Variants in ARHGAP39 observed in about 807,000 individuals in gnomAD.
ARHGAP39 encodes Rho GTPase activating protein 39, also known as rho GTPase-activating protein 39.
In ARHGAP39, 44 loss-of-function variants were observed where a neutral mutation model predicts 106.9. That is an observed-to-expected ratio of 0.41 (90% CI 0.32 to 0.53). ARHGAP39 has a LOEUF of 0.53. ARHGAP39 is among the 20% of genes least tolerant of loss of function. The probability of loss-of-function intolerance (pLI) is 0.21; values close to 1 mark genes in which losing one functional copy is unlikely to be tolerated. For synonymous variants in ARHGAP39, 768 were observed against 693.2 expected (o/e 1.11, Z -1.69); for missense variants, 1,496 against 1,577.3 (o/e 0.95, Z 0.87).
intron 3 of ARHGAP39, among the ~76,000 whole-genome samples, chr8:144,562,527 C>A (rs1382223379): frequency 2.6e-5 from 4 of 150,952 alleles, no homozygotes; most frequent in Admixed American, 6.6e-5. Context: ...TGGTTTCCAT[C>A]GGACTCCAGT....
chr8:144,675,968 G>A (rs561582381), intron 1 of ARHGAP39, among the ~76,000 whole-genome samples: 2 of 152,250 alleles, frequency 1.3e-5, no homozygotes, highest in East Asian at 3.9e-4. Context: ...CCTCCCGTCA[G>A]GAGTTGTTCT....
intron 1 of ARHGAP39, among the ~76,000 whole-genome samples, chr8:144,672,285 A>C (rs560321241): frequency 1.4e-3 from 210 of 152,280 alleles, no homozygotes; most frequent in African/African-American, 4.6e-3. Context: ...GGCAGGAGGA[A>C]CATGCTGGCC....
At chr8:144,542,359 CA>C (rs1395055978) in intron 6 of ARHGAP39, among the ~76,000 whole-genome samples, 109 of 152,314 alleles carry the variant, frequency 7.2e-4, no homozygotes, top group African/African-American at 2.6e-3. Context: ...GGTGACCACA[CA>C]GTGCAGGTCA....
chr8:144,673,293 G>A (rs1189669090), intron 1 of ARHGAP39, among the ~76,000 whole-genome samples: 4 of 151,422 alleles, frequency 2.6e-5, no homozygotes, highest in South Asian at 2.1e-4. Flanking sequence ...GAACACACCC[G>A]CACCAAGGCC....
At chr8:144,600,243 C>T (rs1586596926) in intron 2 of ARHGAP39, among the ~76,000 whole-genome samples, 1 of 136,116 alleles carries the variant, frequency 7.3e-6, no homozygotes, top group Middle Eastern at 5.6e-3. Flanking sequence ...CGTGTACCTA[C>T]CTGCGTGTGC....
rs1822093690 is a variant in ARHGAP39 at position 144,671,287 on chromosome 8, T to C, written c.-82+14399A>G. On this transcript the variant is annotated intron_variant, in intron 1 of 11. Transcript: ENST00000377307. This position sits in a 1 kb window ranked among gnomAD's most constrained non-coding sequence, Gnocchi z 4.5. ...CAAATGACTTACCATTTAAAATACA[T>C]CAGAATGGGTCAAGGGTGGATAATA... Among the ~76,000 whole-genome samples the C allele has an allele frequency of 6.6e-6, 1 of 152,196 alleles. No homozygotes were observed. Among genetic ancestry groups the C allele is most frequent in the South Asian group, 2.1e-4 (1 of 4,826 alleles).
chr8:144,638,686 C>G (rs938527386), intron 1 of ARHGAP39, among the ~76,000 whole-genome samples: 2 of 152,318 alleles, frequency 1.3e-5, no homozygotes, highest in East Asian at 3.9e-4. Context: ...CTCTTGTTTT[C>G]TGCTCATCTT....
chr8:144,694,017 A>G, the ARHGAP39 span, among the ~76,000 whole-genome samples: 1 of 152,182 alleles, frequency 6.6e-6, no homozygotes, highest in Non-Finnish European at 1.5e-5. Flanking sequence ...GCAAAGGAGA[A>G]AGGCAGTACA....
intron 1 of ARHGAP39, among the ~76,000 whole-genome samples, chr8:144,634,128 T>G (rs13262582): frequency 1 from 146,276 of 146,696 alleles, 72,930 homozygotes; most frequent in Admixed American, 1. Flanking sequence ...TGCTGGCGCA[T>G]TCTCCACTCC....
At chr8:144,659,000 G>A (rs1821761420) in intron 1 of ARHGAP39, among the ~76,000 whole-genome samples, 1 of 152,102 alleles carries the variant, frequency 6.6e-6, no homozygotes, top group African/African-American at 2.4e-5. Context: ...CCAGGTTCAT[G>A]GATGTGGCAG....
intron 2 of ARHGAP39, among the ~76,000 whole-genome samples, chr8:144,598,710 G>T (rs975369079): frequency 6.6e-6 from 1 of 152,212 alleles, no homozygotes; most frequent in Non-Finnish European, 1.5e-5. Context: ...CAGGTGCCAC[G>T]TGCTCTTTCT....
chr8:144,570,555 G>C (rs1444903060), intron 3 of ARHGAP39, among the ~76,000 whole-genome samples: 2 of 152,130 alleles, frequency 1.3e-5, no homozygotes, highest in African/African-American at 4.8e-5. Flanking sequence ...GCAGGAAAAC[G>C]ATTCCAAACT....
In ARHGAP39 at chr8:144,530,317, C is replaced by T. The variant is rs959822498; in HGVS notation, c.*105G>A. ...GGGGCCTGGGGGAGTGGAGGGGGCTCCAGGGCTGGGCCGGGCGATTCTGGC... is the reference window on the plus strand; with the variant it reads ...GGGGCCTGGGGGAGTGGAGGGGGCTTCAGGGCTGGGCCGGGCGATTCTGGC... On this transcript the variant is annotated 3_prime_UTR_variant, in exon 12 of 12. Coordinates refer to ENST00000377307, the MANE Select transcript of ARHGAP39 (RefSeq NM_025251.3). The T allele has an allele frequency of 1.5e-6, 2 of 1,295,922 alleles. No homozygotes were observed. Among genetic ancestry groups the T allele is most frequent in the Non-Finnish European group, 2.1e-6 (2 of 948,452 alleles). 80.3% of individuals were successfully genotyped at this position (1,295,922 alleles called of 1,614,324 possible).
At chr8:144,652,226 A>C (rs1821591142) in intron 1 of ARHGAP39, among the ~76,000 whole-genome samples, 1 of 152,056 alleles carries the variant, frequency 6.6e-6, no homozygotes, top group Non-Finnish European at 1.5e-5. Context: ...CTCAAAAATA[A>C]ATAAATAAAT....
chr8:144,601,702 G>GGT (rs551174454), intron 2 of ARHGAP39, among the ~76,000 whole-genome samples: 2 of 138,208 alleles, frequency 1.4e-5, no homozygotes, highest in South Asian at 2.4e-4. Context: ...GCATGTGTGT[G>GGT]GTGTGTGTGT....
intron 4 of ARHGAP39, among the ~76,000 whole-genome samples, chr8:144,549,030 G>C (rs1817594866): frequency 6.6e-6 from 1 of 152,212 alleles, no homozygotes; most frequent in Non-Finnish European, 1.5e-5. Context: ...CACTCCAACA[G>C]CTGCAGGTGT....
the ARHGAP39 span, among the ~76,000 whole-genome samples, chr8:144,691,245 C>T: frequency 6.6e-6 from 1 of 152,196 alleles, no homozygotes; most frequent in Admixed American, 6.5e-5. Flanking sequence ...GCTTGGAGCC[C>T]TTTCCTCAAG....
In ARHGAP39 at chr8:144,547,222, A is replaced by G; in HGVS notation, c.1864T>C (p.Phe622Leu). The change falls in exon 5 of 12, where the codon TTC becomes CTC. Residue 622 changes from phenylalanine to leucine, a missense_variant. Transcript: ENST00000377307. The surrounding 1 kb of genome is among the most constrained non-coding windows in gnomAD (Gnocchi z 5.2). ...ATCTGGGGGAAGCCTAGCTTCTCGA[A>G]GGTGCCCCTCCTCCAGTGCCTGTTC... ...QENRHWRRGTFEKLGFPQILL... is the reference protein window; with the variant it reads ...QENRHWRRGTLEKLGFPQILL... 6.2e-7 allele frequency: 1 copy of G among 1,612,582 alleles called. No homozygotes were observed. The highest frequency in any genetic ancestry group is 1.1e-5 in the South Asian group (1 of 91,018).
intron 1 of ARHGAP39, among the ~76,000 whole-genome samples, chr8:144,643,734 G>T (rs1331519815): frequency 6.6e-6 from 1 of 152,124 alleles, no homozygotes; most frequent in African/African-American, 2.4e-5. Flanking sequence ...AACAACCAAA[G>T]GACGTGTGAT....
Sources: allele counts gnomAD v4.1 joint callset (sites outside exome capture counted in the v4.1 genomes callset), GRCh38; gene constraint gnomAD v4.1.1; non-coding constraint Gnocchi (gnomAD v3.1); transcripts MANE v1.5; gene names NCBI Gene and HGNC (gene_info 2026-07-23, HGNC 2026-07-21).